Variants in MYOCD observed in about 807,000 individuals in gnomAD.
The protein encoded by MYOCD is myocardin.
MYOCD carries 32 observed loss-of-function variants against 96.1 expected under a neutral mutation model. The ratio of observed to expected loss-of-function variants is 0.33; its 90% CI spans 0.25 to 0.45. The LOEUF is 0.45. MYOCD is among the 20% of genes least tolerant of loss of function. MYOCD has a pLI of 1.00. For synonymous variants in MYOCD, 469 were observed against 469.0 expected, an observed-to-expected ratio of 1.00 and a Z score of 0.00; for missense variants, 1,133 against 1,200.6, an observed-to-expected ratio of 0.94 and a Z score of 0.83.
intron 1 of MYOCD, among the ~76,000 whole-genome samples, chr17:12,680,846 A>T (rs1480896497): frequency 6.6e-6 from 1 of 152,202 alleles, no homozygotes; most frequent in Non-Finnish European, 1.5e-5. Flanking sequence ...ACTTGTAGTG[A>T]CAGTGTTGTC....
At chr17:12,728,148 A>C (rs942261554) in intron 5 of MYOCD, among the ~76,000 whole-genome samples, 11 of 152,304 alleles carry the variant, frequency 7.2e-5, no homozygotes, top group Admixed American at 3.3e-4. Context: ...GGAGTTTAGC[A>C]TGGTCTTGCT....
At chr17:12,724,095 G>A (rs999638627) in intron 5 of MYOCD, among the ~76,000 whole-genome samples, 4 of 151,904 alleles carry the variant, frequency 2.6e-5, no homozygotes, top group Non-Finnish European at 5.9e-5. Flanking sequence ...AAATATCTGG[G>A]GCCTTTGAAC....
At chr17:12,750,253 T>C (rs1255980626) in intron 9 of MYOCD, among the ~76,000 whole-genome samples, 1 of 152,152 alleles carries the variant, frequency 6.6e-6, no homozygotes, top group Admixed American at 6.5e-5. Flanking sequence ...TCACCTGAGC[T>C]CTTGGTAGCA....
chr17:12,737,633 C>T (rs1314141578), intron 6 of MYOCD, among the ~76,000 whole-genome samples: 1 of 152,248 alleles, frequency 6.6e-6, no homozygotes, highest in African/African-American at 2.4e-5. Context: ...TTCAGACCCT[C>T]AGCCCCTTCC....
In MYOCD at chr17:12,722,912, G is replaced by A. The variant is rs751148214; in HGVS notation, c.319G>A (p.Asp107Asn). 3.1e-6 allele frequency: 5 copies of A among 1,613,894 alleles called. No individual in the cohort carries two copies. The highest frequency in any genetic ancestry group is 4.2e-6 in the Non-Finnish European group (5 of 1,179,954). ...GCTGAAAAGAGCCCGACTCGCCGAT[G>A]ATCTCAATGAAAAAATTGCTCTACG... ...MKLKRARLAD[D>N]LNEKIALRPG... The change falls in exon 5 of 14, where the codon GAT (aspartate) becomes AAT (asparagine). Residue 107 changes from aspartate to asparagine, a missense_variant. Asp to Asn is a conservative substitution (Grantham distance 23). Transcript: ENST00000425538.
At chr17:12,752,321 C>A (rs2032872545) in intron 9 of MYOCD, 93 bp from the exon 10 acceptor site, 1 of 1,106,934 alleles carries the variant, frequency 9.0e-7, no homozygotes. Context: ...TGTAGAATTC[C>A]ATTTGTGATG....
chr17:12,682,142 G>A (rs72811270), intron 1 of MYOCD, among the ~76,000 whole-genome samples: 22,287 of 152,088 alleles, frequency 0.15, 1,759 homozygotes, highest in African/African-American at 0.2. Flanking sequence ...TCTCTTTACC[G>A]GGAAATTCGA....
intron 5 of MYOCD, among the ~76,000 whole-genome samples, chr17:12,734,589 C>T (rs2032285371): frequency 7.4e-6 from 1 of 134,560 alleles, no homozygotes; most frequent in South Asian, 2.5e-4. Context: ...CTGCTGACTG[C>T]AACCACTGCC....
At position 12,704,881 on chromosome 17, in the gene MYOCD, A is replaced by C. The variant is rs574019958; in HGVS notation, c.56-247A>C. The C allele has an allele frequency of 8.9e-5, 39 of 439,860 alleles. No homozygotes were observed. In the Admixed American group the frequency reaches 9.4e-4, roughly 11 times the overall value. The allele number at this position is 439,860 out of a possible 1,614,324, so 27.2% of individuals were successfully genotyped here. A position where few individuals can be genotyped will look rare whatever the true frequency, so the allele number is the denominator to read the frequency against. ...GAGAGCATGGCACTGCGAAAATAAC[A>C]ATCACTTCAAAGAGGAGACAAGTAT... On this transcript the variant is annotated intron_variant, in intron 1 of 13. Transcript: ENST00000425538.
intron 2 of MYOCD, among the ~76,000 whole-genome samples, chr17:12,712,139 G>T (rs1323684460): frequency 1.3e-5 from 2 of 152,012 alleles, no homozygotes; most frequent in Non-Finnish European, 2.9e-5. Context: ...GAGATTACAG[G>T]TGTGAGCCAC....
rs1031765385 is a variant in MYOCD, at chr17:12,752,865, A to T, written c.1577A>T (p.Lys526Met). 6 of 1,614,004 alleles carry T rather than the reference A, an allele frequency of 3.7e-6. No individual in the cohort carries two copies. Among genetic ancestry groups the T allele is most frequent in the Non-Finnish European group, 5.1e-6 (6 of 1,180,032 alleles). The change falls in exon 10 of 14, where the codon AAG becomes ATG. Residue 526 changes from lysine to methionine, a missense_variant. Coordinates refer to ENST00000425538, the MANE Select transcript of MYOCD (RefSeq NM_001146312.3). ...EKDKMLVEKQKVINELTWKLQ... is the reference protein window; with the variant it reads ...EKDKMLVEKQMVINELTWKLQ... ...GACAAGATGCTGGTGGAGAAGCAGA[A>T]GGTGATCAATGAACTCACCTGGAAA...
chr17:12,754,885 C>T (rs542245149), intron 10 of MYOCD, among the ~76,000 whole-genome samples: 1 of 152,168 alleles, frequency 6.6e-6, no homozygotes, highest in Non-Finnish European at 1.5e-5. Flanking sequence ...ATGTATTATT[C>T]TTTATTTGTC....
rs4792276 is a variant in MYOCD, at chr17:12,746,765, G to A, written c.1125+693G>A. 8.6e-3 allele frequency among the ~76,000 whole-genome samples: 1,064 copies of A among 123,810 alleles called. 18 individuals are homozygous for A. Among genetic ancestry groups the A allele is most frequent in the African/African-American group, 0.031 (1,012 of 32,744 alleles). The allele number at this position is 123,810 out of a possible 152,430, so 81.2% of individuals were successfully genotyped here. ...TTTTTTTGAGATGGAGTCTTGCTCT[G>A]TCATCCAGGCTGGAGTGCAGTGGCA... On this transcript the variant is annotated intron_variant, in intron 9 of 13. Transcript: ENST00000425538.
At chr17:12,738,273 A>G (rs2032402017) in intron 6 of MYOCD, among the ~76,000 whole-genome samples, 1 of 152,218 alleles carries the variant, frequency 6.6e-6, no homozygotes, top group South Asian at 2.1e-4. Context: ...GGCAGGGCTC[A>G]GGGAAGAACT....
rs764830809 is a variant in MYOCD at position 12,752,866 on chromosome 17, G to A, written c.1578G>A (p.Lys526=). The A allele has an allele frequency of 2.5e-6, 4 of 1,614,146 alleles. No individual in the cohort carries two copies. Among genetic ancestry groups the A allele is most frequent in the Admixed American group, 1.7e-5 (1 of 60,008 alleles). Residue 526 remains lysine (K), a synonymous_variant, in exon 10 of 14, where the codon AAG becomes AAA. Coordinates refer to ENST00000425538, the MANE Select transcript of MYOCD (RefSeq NM_001146312.3). ...ACAAGATGCTGGTGGAGAAGCAGAA[G>A]GTGATCAATGAACTCACCTGGAAAC... ...EKDKMLVEKQ[K]VINELTWKLQ... is the part of the protein sequence containing the mutation.
rs1312141258 is a variant in MYOCD at position 12,683,356 on chromosome 17, G to GGAGGA, written c.55+17117_55+17118insAGAGG. On this transcript the variant is annotated intron_variant, in intron 1 of 13. Transcript: ENST00000425538. ...AAACCGTTTCAGAAGAGAATAAAAG[G>GGAGGA]GAGGCATCACCGGCTTCCCCTCCTT... Among the ~76,000 whole-genome samples, 4 of 152,204 alleles carry GGAGGA rather than the reference G, an allele frequency of 2.6e-5. 1 individual carries two copies. Among genetic ancestry groups the GGAGGA allele is most frequent in the African/African-American group, 9.6e-5 (4 of 41,542 alleles).
intron 10 of MYOCD, among the ~76,000 whole-genome samples, chr17:12,754,946 T>C (rs1033456980): frequency 6.6e-6 from 1 of 152,194 alleles, no homozygotes; most frequent in Non-Finnish European, 1.5e-5. Flanking sequence ...CAGGATCACA[T>C]GAACCCAAGA....
intron 1 of MYOCD, among the ~76,000 whole-genome samples, chr17:12,689,997 T>A (rs2150654072): frequency 6.6e-6 from 1 of 152,178 alleles, no homozygotes; most frequent in South Asian, 2.1e-4. Context: ...TAAGTATACA[T>A]CAAAGATAGA....
chr17:12,723,795 T>C (rs1447604941), intron 5 of MYOCD, among the ~76,000 whole-genome samples: 1 of 152,170 alleles, frequency 6.6e-6, no homozygotes, highest in Non-Finnish European at 1.5e-5. Flanking sequence ...CTGAGAACTA[T>C]TGGTAGATAT....
Sources: allele counts gnomAD v4.1 joint callset (sites outside exome capture counted in the v4.1 genomes callset), GRCh38; gene constraint gnomAD v4.1.1; transcripts MANE v1.5; gene names NCBI Gene and HGNC (gene_info 2026-07-23, HGNC 2026-07-21).